The following KCNQ5 variants were observed in gnomAD, a reference collection of about 807,000 sequenced individuals.
The protein encoded by KCNQ5 is potassium voltage-gated channel subfamily KQT member 5.
A neutral mutation model predicts 98.2 loss-of-function variants in KCNQ5; 30 were observed. The observed-to-expected ratio is 0.31, with a 90% CI of 0.23 to 0.41. The LOEUF is 0.41. KCNQ5 is among the 10% of genes least tolerant of loss of function. KCNQ5 has a pLI of 1.00. For missense variants in KCNQ5, 835 were observed against 1,182.5 expected (o/e 0.71, Z 4.31); for synonymous variants, 458 against 449.4 (o/e 1.02, Z -0.24).
At chr6:73,184,855 A>C (rs1384341672) in intron 11 of KCNQ5, among the ~76,000 whole-genome samples, 2 of 152,238 alleles carry the variant, frequency 1.3e-5, no homozygotes, top group Non-Finnish European at 2.9e-5. Flanking sequence ...AGCAGGCAGC[A>C]TGCAGAGGAA....
chr6:73,055,177 C>T (rs1172800537), intron 3 of KCNQ5: 34 of 870,446 alleles, frequency 3.9e-5, no homozygotes, highest in Admixed American at 6.8e-5. Context: ...GCTGGTACGA[C>T]GCCATCCTGA....
intron 2 of KCNQ5, among the ~76,000 whole-genome samples, chr6:73,007,081 C>T (rs1483848379): frequency 6.6e-6 from 1 of 152,200 alleles, no homozygotes; most frequent in East Asian, 1.9e-4. Flanking sequence ...GTCCATCCCA[C>T]ATCCAAAAAG....
chr6:72,640,552 G>C (rs4707978), intron 1 of KCNQ5, among the ~76,000 whole-genome samples: 99,211 of 152,058 alleles, frequency 0.65, 32,981 homozygotes, highest in Middle Eastern at 0.83. Flanking sequence ...TACAAGTTCT[G>C]TGAGCTTGAA....
chr6:73,111,747 G>C (rs1329959537), intron 7 of KCNQ5, among the ~76,000 whole-genome samples: 1 of 152,160 alleles, frequency 6.6e-6, no homozygotes, highest in Non-Finnish European at 1.5e-5. Context: ...TTAAGTGATG[G>C]AGCAGAACAG....
chr6:72,767,530 C>T (rs894839477), intron 1 of KCNQ5, among the ~76,000 whole-genome samples: 1 of 151,718 alleles, frequency 6.6e-6, no homozygotes, highest in Non-Finnish European at 1.5e-5. Flanking sequence ...TCAAAAGACA[C>T]CATAAAGAAA....
Position 72,665,323 on chromosome 6 carries a change from G to A in KCNQ5, c.398+42736G>A, listed in dbSNP as rs976686917. ...AGATCATGCCACCTCCAGCCTGGACGACAGAGTAATACCCTGTCAAAAAAA... is the reference window on the plus strand; with the variant it reads ...AGATCATGCCACCTCCAGCCTGGACAACAGAGTAATACCCTGTCAAAAAAA... On this transcript the variant is annotated intron_variant, in intron 1 of 13. Coordinates refer to ENST00000370398, the MANE Select transcript of KCNQ5 (RefSeq NM_019842.4). Among the ~76,000 whole-genome samples the A allele has an allele frequency of 5.0e-4, 66 of 132,280 alleles. 1 individual carries two copies. The highest frequency in any genetic ancestry group is 1.6e-3 in the African/African-American group (59 of 36,222). The allele number at this position is 132,280 out of a possible 152,430, so 86.8% of individuals were successfully genotyped here. A position where few individuals can be genotyped will look rare whatever the true frequency, so the allele number is the denominator to read the frequency against.
chr6:72,863,695 T>C (rs1223307387), intron 1 of KCNQ5, among the ~76,000 whole-genome samples: 1 of 152,238 alleles, frequency 6.6e-6, no homozygotes, highest in African/African-American at 2.4e-5. Flanking sequence ...AAGGCATTAA[T>C]TTCCTTCAGA....
intron 9 of KCNQ5, among the ~76,000 whole-genome samples, chr6:73,132,792 T>C (rs1776287301): frequency 6.6e-6 from 1 of 152,214 alleles, no homozygotes; most frequent in African/African-American, 2.4e-5. Context: ...TCATTATCTG[T>C]TGGGGCTGTT....
At chr6:72,849,508 T>C (rs751082182) in intron 1 of KCNQ5, among the ~76,000 whole-genome samples, 2 of 152,152 alleles carry the variant, frequency 1.3e-5, no homozygotes, top group African/African-American at 2.4e-5. Flanking sequence ...AAAGGCACTG[T>C]TTTTAAATAG....
chr6:72,767,187 G>A (rs1271139539), intron 1 of KCNQ5, among the ~76,000 whole-genome samples: 2 of 151,978 alleles, frequency 1.3e-5, no homozygotes, highest in African/African-American at 2.4e-5. Flanking sequence ...TAAATTTAAT[G>A]TACCTGTTAG....
chr6:73,069,362 T>C (rs1562159999), intron 3 of KCNQ5, among the ~76,000 whole-genome samples: 3 of 152,162 alleles, frequency 2.0e-5, no homozygotes, highest in Non-Finnish European at 4.4e-5. Flanking sequence ...AACTGCAAAA[T>C]ATGGGAGATT....
rs576362824 is a variant in KCNQ5, at chr6:72,884,304, T to C, written c.399-119604T>C. On this transcript the variant is annotated intron_variant, in intron 1 of 13. Coordinates refer to ENST00000370398, the MANE Select transcript of KCNQ5 (RefSeq NM_019842.4). ...AATCCCTGAAGCATTCATTGTTGGT[T>C]TTTATAGACTCTTGAAAATTCAGAG... Among the ~76,000 whole-genome samples the C allele has an allele frequency of 9.9e-5, 15 of 152,274 alleles. 1 individual carries two copies. Among genetic ancestry groups the C allele is most frequent in the African/African-American group, 3.6e-4 (15 of 41,580 alleles).
intron 1 of KCNQ5, among the ~76,000 whole-genome samples, chr6:72,632,491 T>C (rs2154471628): frequency 6.6e-6 from 1 of 151,984 alleles, no homozygotes; most frequent in South Asian, 2.1e-4. Context: ...GAGACGGGGG[T>C]ACTTGTGCAG....
chr6:72,988,710 T>C (rs1299319512), intron 1 of KCNQ5, among the ~76,000 whole-genome samples: 7 of 130,830 alleles, frequency 5.4e-5, no homozygotes, highest in African/African-American at 2.0e-4. Flanking sequence ...ATTGTGCAGG[T>C]TAGTTACATA....
At chr6:73,069,602 T>TC in intron 3 of KCNQ5, among the ~76,000 whole-genome samples, 1 of 152,122 alleles carries the variant, frequency 6.6e-6, no homozygotes, top group Non-Finnish European at 1.5e-5. Flanking sequence ...AACAGACTAC[T>TC]AGTATAATCA....
At chr6:72,895,114 TAAAAAAAAAA>T (rs71540357) in intron 1 of KCNQ5, among the ~76,000 whole-genome samples, 1 of 89,268 alleles carries the variant, frequency 1.1e-5, no homozygotes, top group African/African-American at 4.5e-5. Flanking sequence ...CCATCTCTAC[TAAAAAAAAAA>T]AAAAAAAAAA....
rs1295016037 is a variant in KCNQ5, at chr6:73,055,574, G to A, written c.616+13512G>A. 7 of 1,390,254 alleles carry A rather than the reference G, an allele frequency of 5.0e-6. No homozygotes were observed. In the East Asian group the frequency reaches 1.6e-4, roughly 32 times the overall value. The allele number at this position is 1,390,254 out of a possible 1,614,324, so 86.1% of individuals were successfully genotyped here. A position where few individuals can be genotyped will look rare whatever the true frequency, so the allele number is the denominator to read the frequency against. ...GAGTCTGAAGGACACTATTGCCAGA[G>A]CTCTGCCCTTCTGGAATGAAGAAGT... On this transcript the variant is annotated intron_variant, in intron 3 of 13. Coordinates refer to ENST00000370398, the MANE Select transcript of KCNQ5 (RefSeq NM_019842.4).
At chr6:72,922,265 T>G (rs928378508) in intron 1 of KCNQ5, among the ~76,000 whole-genome samples, 1 of 152,244 alleles carries the variant, frequency 6.6e-6, no homozygotes, top group African/African-American at 2.4e-5. Context: ...CTACTTTTTA[T>G]GCAGTCTTTG....
At chr6:72,694,951 CTT>C (rs61710558) in intron 1 of KCNQ5, among the ~76,000 whole-genome samples, 77,099 of 151,786 alleles carry the variant, frequency 0.51, 22,661 homozygotes, top group African/African-American at 0.81. Flanking sequence ...TCACGGAGAG[CTT>C]TTGTGGTATT....
Sources: allele counts gnomAD v4.1 joint callset (sites outside exome capture counted in the v4.1 genomes callset), GRCh38; gene constraint gnomAD v4.1.1; transcripts MANE v1.5; gene names NCBI Gene and HGNC (gene_info 2026-07-23, HGNC 2026-07-21).